SEMA6D: variants seen among roughly 807,000 people sequenced by gnomAD.
SEMA6D encodes the protein semaphorin-6D.
A neutral mutation model predicts 106.6 loss-of-function variants in SEMA6D; 35 were observed. The observed-to-expected ratio is 0.33, with a 90% confidence interval of 0.25 to 0.44. The LOEUF (loss-of-function observed/expected upper bound fraction) is 0.44, where lower values mean the gene tolerates loss of function less well. Among genes scored for constraint, SEMA6D ranks in the 20% least tolerant of loss-of-function variants. The pLI is 1.00. For missense variants in SEMA6D, 1,185 were observed against 1,345.9 expected, an observed-to-expected ratio of 0.88 and a Z score of 1.87; for synonymous variants, 499 against 487.7, an observed-to-expected ratio of 1.02 and a Z score of -0.31.
intron 1 of SEMA6D, among the ~76,000 whole-genome samples, chr15:47,333,759 G>A (rs2037438400): frequency 2.0e-5 from 3 of 152,152 alleles, no homozygotes; most frequent in African/African-American, 7.2e-5. Flanking sequence ...CAATAAATAA[G>A]TAAACATATC....
At position 47,504,402 on chromosome 15, in the gene SEMA6D, T is replaced by A. The variant is rs1656610; in HGVS notation, c.-87+33857T>A. Among the ~76,000 whole-genome samples the A allele has an allele frequency of 9.9e-3, 1,503 of 152,162 alleles. 25 individuals are homozygous for A. Among genetic ancestry groups the A allele is most frequent in the African/African-American group, 0.035 (1,440 of 41,520 alleles). On this transcript the variant is annotated intron_variant, in intron 3 of 19. Transcript: ENST00000558014. ...TCTCTCTTCTTCAGGAGAGAGGAGT[T>A]CAGTGCAAGCATAGTGCTCATCCAA...
intron 3 of SEMA6D, among the ~76,000 whole-genome samples, chr15:47,486,436 A>G (rs755697167): frequency 2.0e-5 from 3 of 152,216 alleles, no homozygotes; most frequent in Non-Finnish European, 4.4e-5. Context: ...AGGAAGATGA[A>G]GATGTCAATA....
intron 4 of SEMA6D, among the ~76,000 whole-genome samples, chr15:47,649,661 G>A (rs978330923): frequency 2.0e-5 from 3 of 152,148 alleles, no homozygotes; most frequent in Non-Finnish European, 4.4e-5. Flanking sequence ...TAGAAAGAGA[G>A]GGGAGGAGAG....
At chr15:47,657,967 C>T (rs529324536) in intron 4 of SEMA6D, among the ~76,000 whole-genome samples, 1 of 151,654 alleles carries the variant, frequency 6.6e-6, no homozygotes, top group East Asian at 1.9e-4. Context: ...GTCTCGATCT[C>T]CTGACCTCAT....
intron 4 of SEMA6D, among the ~76,000 whole-genome samples, chr15:47,622,174 T>C (rs1270264207): frequency 7.0e-6 from 1 of 143,710 alleles, no homozygotes; most frequent in Non-Finnish European, 1.5e-5. Context: ...GTCTTTTGAA[T>C]CTATGCATAT....
At chr15:47,665,159 T>G (rs2078000931) in intron 4 of SEMA6D, among the ~76,000 whole-genome samples, 1 of 152,198 alleles carries the variant, frequency 6.6e-6, no homozygotes, top group Non-Finnish European at 1.5e-5. Context: ...ACTTCTTTCT[T>G]CAAGTCATAG....
intron 2 of SEMA6D, among the ~76,000 whole-genome samples, chr15:47,443,582 A>T (rs1180603067): frequency 5.9e-5 from 9 of 152,126 alleles, no homozygotes; most frequent in African/African-American, 2.2e-4. Flanking sequence ...CACCCAGCTA[A>T]GAGCTTCTTA....
chr15:47,715,072 G>A (rs117025381), upstream of SEMA6D, among the ~76,000 whole-genome samples: 203 of 152,316 alleles, frequency 1.3e-3, 1 homozygote, highest in East Asian at 9.4e-3. Context: ...CTAGTGGGAT[G>A]AGGCAAGTTT....
intron 4 of SEMA6D, among the ~76,000 whole-genome samples, chr15:47,635,319 C>T (rs2077367291): frequency 6.6e-6 from 1 of 152,090 alleles, no homozygotes; most frequent in Admixed American, 6.6e-5. Context: ...TGCCTAGTAC[C>T]TGGCCTTGGG....
Position 47,764,312 on chromosome 15 carries a change from A to G in SEMA6D, c.1097+7A>G, listed in dbSNP as rs2082218422. 2 of 1,609,882 alleles carry G rather than the reference A, an allele frequency of 1.2e-6. No homozygotes were observed. Among genetic ancestry groups the G allele is most frequent in the Non-Finnish European group, 1.7e-6 (2 of 1,178,674 alleles). On this transcript the variant is annotated splice_region_variant and intron_variant, in intron 11 of 18. Transcript: ENST00000536845. ...ACAAAGTGCCAAAGCCAAGGTAAAT[A>G]AAAAAGTAGAAAAGGGTTTTGTCTT...
chr15:47,374,642 A>G (rs1187544651), intron 1 of SEMA6D, among the ~76,000 whole-genome samples: 1 of 152,146 alleles, frequency 6.6e-6, no homozygotes, highest in Non-Finnish European at 1.5e-5. Context: ...CTGCATTAAG[A>G]TAAGGGTTTT....
chr15:47,581,346 G>A (rs1296202909), intron 3 of SEMA6D: 2 of 493,318 alleles, frequency 4.1e-6, no homozygotes, highest in Non-Finnish European at 8.1e-6. Context: ...CCTTATGGCA[G>A]AACTACATAT....
chr15:47,365,111 G>T (rs780449256), intron 1 of SEMA6D, among the ~76,000 whole-genome samples: 1 of 152,184 alleles, frequency 6.6e-6, no homozygotes, highest in Non-Finnish European at 1.5e-5. Flanking sequence ...AAAAGGCTCC[G>T]AGAGGATATC....
At chr15:47,422,274 G>A (rs532558771) in intron 2 of SEMA6D, among the ~76,000 whole-genome samples, 1 of 144,224 alleles carries the variant, frequency 6.9e-6, no homozygotes, top group Non-Finnish European at 1.5e-5. Flanking sequence ...CTTTAGTCAG[G>A]TATCATTGAA....
At chr15:47,471,931 T>TCTCTCTCTCA (rs1555445502) in intron 3 of SEMA6D, among the ~76,000 whole-genome samples, 2 of 121,436 alleles carry the variant, frequency 1.6e-5, no homozygotes, top group African/African-American at 6.8e-5. Context: ...TCTCTCTCTC[T>TCTCTCTCTCA]CACACACACA....
chr15:47,400,215 C>G (rs1437251923), intron 1 of SEMA6D, among the ~76,000 whole-genome samples: 1 of 152,106 alleles, frequency 6.6e-6, no homozygotes, highest in African/African-American at 2.4e-5. Flanking sequence ...GTAGGCTGAG[C>G]GTGGTGGCTT....
At chr15:47,273,105 A>G (rs986128099) in intron 1 of SEMA6D, among the ~76,000 whole-genome samples, 1 of 152,114 alleles carries the variant, frequency 6.6e-6, no homozygotes, top group East Asian at 1.9e-4. Flanking sequence ...TGTTTGTTTC[A>G]CTACTTTGTG....
chr15:47,332,723 C>G (rs924830326), intron 1 of SEMA6D, among the ~76,000 whole-genome samples: 1 of 152,136 alleles, frequency 6.6e-6, no homozygotes, highest in East Asian at 1.9e-4. Context: ...ATCTTAAGAG[C>G]CTTATCTGCC....
At chr15:47,493,464 A>G (rs2043535832) in intron 3 of SEMA6D, among the ~76,000 whole-genome samples, 2 of 152,170 alleles carry the variant, frequency 1.3e-5, no homozygotes, top group Non-Finnish European at 2.9e-5. Flanking sequence ...ACTTTACAAT[A>G]TATCTGAAGC....
Sources: allele counts gnomAD v4.1 joint callset (sites outside exome capture counted in the v4.1 genomes callset), GRCh38; gene constraint gnomAD v4.1.1; transcripts MANE v1.5; gene names NCBI Gene and HGNC (gene_info 2026-07-23, HGNC 2026-07-21).